Variants in GLRA3 observed in about 807,000 individuals in gnomAD.
GLRA3 encodes the protein glycine receptor subunit alpha-3.
GLRA3 carries 44 observed loss-of-function variants against 60.4 expected under a neutral mutation model. The ratio of observed to expected loss-of-function variants is 0.73; its 90% CI spans 0.57 to 0.94. GLRA3 has a LOEUF of 0.94. Ranked by LOEUF, GLRA3 falls within the 40% of genes least tolerant of loss-of-function variation. GLRA3 has a pLI of 0.00. For missense variants in GLRA3, 508 were observed against 564.6 expected (o/e 0.90, Z 1.02); for synonymous variants, 223 against 192.9 (o/e 1.16, Z -1.29).
rs1374379581 is a variant in GLRA3 at position 174,691,794 on chromosome 4, A to G, written c.575-8855T>C. Among the ~76,000 whole-genome samples the G allele has an allele frequency of 2.0e-5, 3 of 152,238 alleles. No homozygotes were observed. In the East Asian group the frequency reaches 5.8e-4, roughly 30 times the overall value. ...TGGCCTCCCAAAGTGCCAAGATTGC[A>G]GCCTCTGCCCGGCCGCCACCCCATC... On this transcript the variant is annotated intron_variant, in intron 5 of 9. Transcript: ENST00000274093.
chr4:174,683,162 C>A (rs1039914729), intron 5 of GLRA3, among the ~76,000 whole-genome samples: 7 of 152,108 alleles, frequency 4.6e-5, no homozygotes, highest in African/African-American at 1.4e-4. Context: ...AAAATGGACT[C>A]ATTAAAAGTA....
intron 4 of GLRA3, among the ~76,000 whole-genome samples, chr4:174,718,810 C>T (rs943085675): frequency 2.0e-5 from 3 of 152,068 alleles, no homozygotes; most frequent in Admixed American, 6.6e-5. Context: ...TCATTTACTC[C>T]GTACTACAAA....
At chr4:174,748,864 A>ATTT (rs58011888) in intron 3 of GLRA3, among the ~76,000 whole-genome samples, 26,647 of 151,884 alleles carry the variant, frequency 0.18, 3,125 homozygotes, top group African/African-American at 0.34. Flanking sequence ...GAAATTAGAA[A>ATTT]GATAGAAAGA....
At chr4:174,711,200 G>T (rs922690648) in intron 5 of GLRA3, among the ~76,000 whole-genome samples, 2 of 151,466 alleles carry the variant, frequency 1.3e-5, no homozygotes, top group Admixed American at 6.6e-5. Context: ...ATTCATAAGA[G>T]GTTACTGAAA....
At chr4:174,674,035 T>C (rs181566070) in intron 7 of GLRA3, among the ~76,000 whole-genome samples, 3 of 152,320 alleles carry the variant, frequency 2.0e-5, no homozygotes, top group East Asian at 3.9e-4. Flanking sequence ...TCTAGCTCTG[T>C]TGCTACCAAT....
intron 1 of GLRA3, among the ~76,000 whole-genome samples, chr4:174,808,853 A>G (rs1740151792): frequency 6.6e-6 from 1 of 152,214 alleles, no homozygotes; most frequent in South Asian, 2.1e-4. Context: ...TAAAGAATAC[A>G]TTTTATAAGC....
At chr4:174,711,459 T>G (rs1055988319) in intron 5 of GLRA3, among the ~76,000 whole-genome samples, 5 of 149,500 alleles carry the variant, frequency 3.3e-5, no homozygotes, top group Admixed American at 6.7e-5. Flanking sequence ...TTTTTTTTTT[T>G]AGAGAGAGTC....
chr4:174,718,850 T>C (rs10030338), intron 4 of GLRA3, among the ~76,000 whole-genome samples: 23,716 of 152,094 alleles, frequency 0.16, 2,098 homozygotes, highest in South Asian at 0.21. Flanking sequence ...GATATCACCC[T>C]GTTTTAGAGA....
chr4:174,818,567 T>C (rs1489607335), intron 1 of GLRA3, among the ~76,000 whole-genome samples: 3 of 152,198 alleles, frequency 2.0e-5, no homozygotes. Flanking sequence ...TGATTCTCAC[T>C]CTATTTAAGA....
chr4:174,784,020 CGT>C (rs1739009320), intron 2 of GLRA3, among the ~76,000 whole-genome samples: 2 of 148,498 alleles, frequency 1.3e-5, no homozygotes, highest in African/African-American at 5.0e-5. Context: ...CACATGCACA[CGT>C]ATGTTTATTG....
chr4:174,795,358 C>G (rs1386607472), intron 1 of GLRA3, among the ~76,000 whole-genome samples: 1 of 151,702 alleles, frequency 6.6e-6, no homozygotes, highest in East Asian at 1.9e-4. Flanking sequence ...TTCTTTAATA[C>G]TGGAAATTAA....
chr4:174,691,784 C>A (rs953208622), intron 5 of GLRA3, among the ~76,000 whole-genome samples: 2 of 152,172 alleles, frequency 1.3e-5, no homozygotes, highest in African/African-American at 4.8e-5. Context: ...TCCCAAAGTG[C>A]CAAGATTGCA....
intron 5 of GLRA3, among the ~76,000 whole-genome samples, chr4:174,686,929 T>C (rs1245513280): frequency 6.6e-6 from 1 of 152,216 alleles, no homozygotes; most frequent in African/African-American, 2.4e-5. Flanking sequence ...ATTTTGATCA[T>C]TGGAATCTTT....
chr4:174,691,537 G>A (rs535827752), intron 5 of GLRA3, among the ~76,000 whole-genome samples: 19 of 152,314 alleles, frequency 1.2e-4, no homozygotes, highest in African/African-American at 2.2e-4. Context: ...TTGCAGGCGC[G>A]CGCGCCGCCA....
chr4:174,814,734 G>C (rs944466989), intron 1 of GLRA3, among the ~76,000 whole-genome samples: 10 of 152,192 alleles, frequency 6.6e-5, no homozygotes, highest in African/African-American at 2.4e-4. Context: ...TTTATTCACT[G>C]TCACAAGAAC....
intron 9 of GLRA3, among the ~76,000 whole-genome samples, chr4:174,653,315 AAAAT>A (rs1248072835): frequency 6.6e-6 from 1 of 151,934 alleles, no homozygotes; most frequent in African/African-American, 2.4e-5. Flanking sequence ...ATATCTGTCT[AAAAT>A]AAAATATTCA....
Position 174,733,968 on chromosome 4 carries a change from C to A in GLRA3, c.268-5270G>T, listed in dbSNP as rs1033003199. On this transcript the variant is annotated intron_variant, in intron 3 of 9. Transcript: ENST00000274093. ...TATTATATCTTTTTGAACTGATTTGCATACAATATTATTACCAGTTTTCGA... is the reference window on the plus strand; with the variant it reads ...TATTATATCTTTTTGAACTGATTTGAATACAATATTATTACCAGTTTTCGA... 5.9e-5 allele frequency among the ~76,000 whole-genome samples: 9 copies of A among 152,122 alleles called. No individual in the cohort carries two copies. The South Asian group carries it at 1.9e-3, about 32-fold the overall frequency.
intron 5 of GLRA3, among the ~76,000 whole-genome samples, chr4:174,708,546 T>C (rs72706187): frequency 0.16 from 23,530 of 151,286 alleles, 1,928 homozygotes; most frequent in African/African-American, 0.19. Flanking sequence ...ACTTCTTCAC[T>C]GAGTCATTTT....
At chr4:174,676,592 A>G (rs999996862) in intron 7 of GLRA3, among the ~76,000 whole-genome samples, 1 of 152,108 alleles carries the variant, frequency 6.6e-6, no homozygotes, top group African/African-American at 2.4e-5. Flanking sequence ...GTGTTTATAA[A>G]TATAGATGAT....
Sources: gnomAD v4.1 joint callset for allele counts (sites outside exome capture counted in the v4.1 genomes callset) on GRCh38, gnomAD v4.1.1 for gene constraint, MANE v1.5 for transcripts, NCBI Gene and HGNC (gene_info 2026-07-23, HGNC 2026-07-21) for gene names.